Variants in GABRG3 observed in about 807,000 individuals in gnomAD.
GABRG3 encodes gamma-aminobutyric acid receptor subunit gamma-3.
In GABRG3, 25 loss-of-function variants were observed where a neutral mutation model predicts 48.8. That is an observed-to-expected ratio of 0.51 (90% CI 0.37 to 0.72). GABRG3 has a LOEUF of 0.72. Among genes scored for constraint, GABRG3 ranks in the 30% least tolerant of loss-of-function variants. The pLI is 0.00. For synonymous variants in GABRG3, 227 were observed against 217.6 expected, an observed-to-expected ratio of 1.04 and a Z score of -0.38; for missense variants, 394 against 577.9, an observed-to-expected ratio of 0.68 and a Z score of 3.26.
Position 27,225,772 on chromosome 15 carries a change from G to A in GABRG3, c.271-101037G>A, listed in dbSNP as rs79523860. On this transcript the variant is annotated intron_variant, in intron 3 of 9. Transcript: ENST00000615808. ...GCCCTCCACCTGCCCTGGTCTTCGA[G>A]AAGTCCTCCATCAGAATAGGGTGCT... is the stretch of plus-strand genomic sequence containing the variant. Among the ~76,000 whole-genome samples the A allele has an allele frequency of 7.5e-3, 1,136 of 152,122 alleles. 26 individuals are homozygous for A. Among genetic ancestry groups the A allele is most frequent in the African/African-American group, 0.025 (1,057 of 41,476 alleles).
At chr15:27,239,157 C>T (rs75531389) in intron 3 of GABRG3, among the ~76,000 whole-genome samples, 20,164 of 152,152 alleles carry the variant, frequency 0.13, 1,455 homozygotes, top group Middle Eastern at 0.16. Flanking sequence ...CTTTTGGATA[C>T]GAAGATGAAG....
At chr15:27,355,341 A>G (rs943474382) in intron 5 of GABRG3, among the ~76,000 whole-genome samples, 1 of 152,238 alleles carries the variant, frequency 6.6e-6, no homozygotes, top group African/African-American at 2.4e-5. Context: ...ATTTCTCCAA[A>G]GAAGTTATAC....
chr15:27,529,904 A>AGAG (rs1555389675), intron 9 of GABRG3, among the ~76,000 whole-genome samples: 1 of 151,436 alleles, frequency 6.6e-6, no homozygotes, highest in African/African-American at 2.4e-5. Context: ...AAAAAAAAAA[A>AGAG]AGAGAAAGTG....
At chr15:27,374,862 T>C (rs1193953961) in intron 5 of GABRG3, among the ~76,000 whole-genome samples, 2 of 152,118 alleles carry the variant, frequency 1.3e-5, no homozygotes, top group Non-Finnish European at 2.9e-5. Context: ...CCATTGCTCT[T>C]GGAAGGCTTG....
chr15:27,199,972 C>T (rs2140428119), intron 3 of GABRG3, among the ~76,000 whole-genome samples: 1 of 151,306 alleles, frequency 6.6e-6, no homozygotes, highest in African/African-American at 2.4e-5. Context: ...TCTCTCTTTC[C>T]CTTCCTTCCT....
intron 3 of GABRG3, among the ~76,000 whole-genome samples, chr15:27,138,049 A>G (rs970281302): frequency 1.3e-5 from 2 of 152,190 alleles, no homozygotes; most frequent in African/African-American, 4.8e-5. Flanking sequence ...CCTACCCTAT[A>G]TTATTTGTAA....
intron 2 of GABRG3, among the ~76,000 whole-genome samples, chr15:27,003,089 A>T (rs1877753374): frequency 6.6e-6 from 1 of 151,888 alleles, no homozygotes; most frequent in South Asian, 2.1e-4. Context: ...TACATTTATA[A>T]ATTACAGAAT....
chr15:26,984,722 A>G (rs765707127), intron 2 of GABRG3, among the ~76,000 whole-genome samples: 33 of 152,186 alleles, frequency 2.2e-4, no homozygotes, highest in Non-Finnish European at 3.5e-4. Context: ...TGGCCTAAGT[A>G]AATTTCACTT....
intron 5 of GABRG3, among the ~76,000 whole-genome samples, chr15:27,400,346 T>G (rs887243237): frequency 2.0e-5 from 3 of 152,248 alleles, no homozygotes; most frequent in African/African-American, 4.8e-5. Flanking sequence ...TTGTATTTAT[T>G]TTGCCATGCT....
chr15:27,517,399 C>G (rs1891048182), intron 6 of GABRG3, among the ~76,000 whole-genome samples: 2 of 152,218 alleles, frequency 1.3e-5, no homozygotes, highest in African/African-American at 4.8e-5. Flanking sequence ...AAGGCAGAGC[C>G]TCAGTAGGAT....
chr15:27,103,482 C>T (rs990353670), intron 3 of GABRG3, among the ~76,000 whole-genome samples: 10 of 152,114 alleles, frequency 6.6e-5, no homozygotes, highest in East Asian at 3.9e-4. Context: ...GGCACCAGAC[C>T]GTACAGGGTT....
At chr15:27,384,160 A>G (rs971584475) in intron 5 of GABRG3, among the ~76,000 whole-genome samples, 5 of 152,216 alleles carry the variant, frequency 3.3e-5, no homozygotes, top group Non-Finnish European at 7.3e-5. Context: ...AGTAGTGACT[A>G]TATGTCTAAA....
intron 3 of GABRG3, among the ~76,000 whole-genome samples, chr15:27,124,501 C>T (rs1012607242): frequency 1.3e-5 from 2 of 152,204 alleles, no homozygotes; most frequent in Non-Finnish European, 2.9e-5. Flanking sequence ...CCCTAATTTA[C>T]AGTGTGATCC....
At chr15:27,454,431 C>T (rs559367605) in intron 5 of GABRG3, among the ~76,000 whole-genome samples, 2 of 152,262 alleles carry the variant, frequency 1.3e-5, no homozygotes, top group East Asian at 1.9e-4. Context: ...TTTTTAATAA[C>T]GTTGCTTCTA....
intron 3 of GABRG3, chr15:27,208,156 T>C (rs373920589): frequency 4.8e-5 from 8 of 166,752 alleles, no homozygotes; most frequent in East Asian, 1.7e-4. Context: ...GAACCCATCA[T>C]TGGGGCTGAT....
rs186584204 is a variant in GABRG3 at position 27,146,470 on chromosome 15, A to G, written c.270+119649A>G. On this transcript the variant is annotated intron_variant, in intron 3 of 9. Coordinates refer to ENST00000615808, the MANE Select transcript of GABRG3 (RefSeq NM_033223.5). Reference sequence around the variant, plus strand: ...AGACTCTGTCTCAAAAACAACAACAACAACAACAAAAACTAGTAAAGATAG... The same window carrying G: ...AGACTCTGTCTCAAAAACAACAACAGCAACAACAAAAACTAGTAAAGATAG... Among the ~76,000 whole-genome samples, 88 of 152,264 alleles carry G rather than the reference A, an allele frequency of 5.8e-4. 4 individuals are homozygous for G. Among genetic ancestry groups the G allele is most frequent in the Admixed American group, 5.2e-3 (79 of 15,296 alleles).
intron 5 of GABRG3, among the ~76,000 whole-genome samples, chr15:27,358,319 T>A (rs1323816698): frequency 6.6e-6 from 1 of 152,222 alleles, no homozygotes; most frequent in African/African-American, 2.4e-5. Flanking sequence ...CACCCAAGAT[T>A]TAAGGATAAT....
chr15:27,223,581 A>T (rs1889518241), intron 3 of GABRG3, among the ~76,000 whole-genome samples: 1 of 152,220 alleles, frequency 6.6e-6, no homozygotes, highest in Non-Finnish European at 1.5e-5. Flanking sequence ...TATTTAAAAG[A>T]TTCACAATCT....
intron 3 of GABRG3, among the ~76,000 whole-genome samples, chr15:27,301,912 C>A (rs1015687908): frequency 2.6e-4 from 39 of 152,192 alleles, no homozygotes; most frequent in African/African-American, 9.4e-4. Flanking sequence ...AGAGGCATGG[C>A]ATTTTTCAAG....
Sources: gnomAD v4.1 joint callset for allele counts (sites outside exome capture counted in the v4.1 genomes callset) on GRCh38, gnomAD v4.1.1 for gene constraint, MANE v1.5 for transcripts, NCBI Gene and HGNC (gene_info 2026-07-23, HGNC 2026-07-21) for gene names.